The following ARHGAP17 variants were observed in gnomAD, a reference collection of about 807,000 sequenced individuals.
The protein encoded by ARHGAP17 is Rho GTPase activating protein 17.
A neutral mutation model predicts 99.5 loss-of-function variants in ARHGAP17; 57 were observed. That is an observed-to-expected ratio of 0.57 (90% CI 0.46 to 0.71). The LOEUF (loss-of-function observed/expected upper bound fraction) is 0.71, where lower values mean the gene tolerates loss of function less well. ARHGAP17 is among the 30% of genes least tolerant of loss of function. ARHGAP17 has a pLI of 0.00. For missense variants in ARHGAP17, 1,000 were observed against 1,122.4 expected, an observed-to-expected ratio of 0.89 and a Z score of 1.56; for synonymous variants, 417 against 429.6, an observed-to-expected ratio of 0.97 and a Z score of 0.36.
chr16:24,922,279 G>A (rs1404778956), intron 19 of ARHGAP17, among the ~76,000 whole-genome samples: 1 of 152,206 alleles, frequency 6.6e-6, no homozygotes, highest in Non-Finnish European at 1.5e-5. Context: ...ATGATGCAAA[G>A]GCACTGTGTA....
At chr16:24,938,372 A>C (rs1422995455) in intron 17 of ARHGAP17, among the ~76,000 whole-genome samples, 4 of 151,784 alleles carry the variant, frequency 2.6e-5, no homozygotes, top group South Asian at 4.2e-4. Flanking sequence ...AAAAAAAAAA[A>C]CCTCAAGTTC....
At chr16:24,934,846 G>T (rs754158826) in intron 18 of ARHGAP17, among the ~76,000 whole-genome samples, 1 of 152,142 alleles carries the variant, frequency 6.6e-6, no homozygotes, top group African/African-American at 2.4e-5. Flanking sequence ...CCTAAGGAGG[G>T]GATGAACTTA....
chr16:24,963,603 T>C (rs1480528565), intron 7 of ARHGAP17, among the ~76,000 whole-genome samples: 1 of 151,924 alleles, frequency 6.6e-6, no homozygotes, highest in Non-Finnish European at 1.5e-5. Flanking sequence ...ACATTCAGAA[T>C]GAACATCTAT....
intron 1 of ARHGAP17, 121 bp from the exon 2 acceptor site, chr16:24,979,126 G>T: frequency 1.5e-6 from 1 of 689,510 alleles, no homozygotes; most frequent in Non-Finnish European, 2.4e-6. Context: ...TAGAAGGGTT[G>T]GCAGGGGCAG....
Position 24,965,346 on chromosome 16 carries a change from T to A in ARHGAP17, c.462-1038A>T, listed in dbSNP as rs187049591. Among the ~76,000 whole-genome samples the A allele has an allele frequency of 2.0e-5, 3 of 152,288 alleles. No homozygotes were observed. In the East Asian group the frequency reaches 5.8e-4, roughly 29 times the overall value. On this transcript the variant is annotated intron_variant, in intron 6 of 19. Coordinates refer to ENST00000289968, the MANE Select transcript of ARHGAP17 (RefSeq NM_001006634.3). Reference sequence around the variant, plus strand: ...TTAGCTGGGCGTGGTGGCAGGCGCCTGTAGTCCCAGCAACTTGGGAGGCTG... The same window carrying A: ...TTAGCTGGGCGTGGTGGCAGGCGCCAGTAGTCCCAGCAACTTGGGAGGCTG...
chr16:24,975,285 G>C (rs2052481498), intron 3 of ARHGAP17, among the ~76,000 whole-genome samples: 1 of 152,216 alleles, frequency 6.6e-6, no homozygotes, highest in Admixed American at 6.5e-5. Context: ...TCTAAGAGAG[G>C]AAGTTTTTTG....
At chr16:24,958,219 G>A (rs2051868566) in intron 9 of ARHGAP17, among the ~76,000 whole-genome samples, 1 of 146,404 alleles carries the variant, frequency 6.8e-6, no homozygotes, top group Admixed American at 6.8e-5. Context: ...GGGCAACAGA[G>A]TGAGACTTTG....
At chr16:24,937,100 G>C (rs531191267) in intron 17 of ARHGAP17, among the ~76,000 whole-genome samples, 62 of 147,730 alleles carry the variant, frequency 4.2e-4, no homozygotes, top group African/African-American at 1.3e-3. Context: ...GTGGGTGACA[G>C]AGCAAGACCC....
intron 1 of ARHGAP17, among the ~76,000 whole-genome samples, chr16:24,989,773 C>T (rs1033725778): frequency 1.3e-5 from 2 of 152,018 alleles, no homozygotes; most frequent in Non-Finnish European, 2.9e-5. Flanking sequence ...AAGATATATA[C>T]CACATGTTCT....
Position 24,947,494 on chromosome 16 carries a change from G to T in ARHGAP17, c.1229C>A (p.Ala410Asp). Residue 410 changes from alanine to aspartate, a missense_variant, in exon 14 of 20, where the codon GCC becomes GAC. By Grantham distance (126) the Ala-to-Asp change is moderately radical. This residue lies in a region of ARHGAP17 where 472 missense variants were observed against 611.1 expected (regional missense o/e 0.77). Coordinates refer to ENST00000289968, the MANE Select transcript of ARHGAP17 (RefSeq NM_001006634.3). ...AAAGATGACTTACCCTTCATTTCTGGCCCATAACAAGTTAGGGCCTAACAC... is the reference window on the plus strand; with the variant it reads ...AAAGATGACTTACCCTTCATTTCTGTCCCATAACAAGTTAGGGCCTAACAC... ...AIVLGPNLLW[A>D]RNEGTLAEMA... 1 of 1,613,050 alleles carries T rather than the reference G, an allele frequency of 6.2e-7. No individual in the cohort carries two copies. The highest frequency in any genetic ancestry group is 8.5e-7 in the Non-Finnish European group (1 of 1,179,596).
At chr16:24,938,347 G>A (rs1567214948) in intron 17 of ARHGAP17, among the ~76,000 whole-genome samples, 2 of 151,958 alleles carry the variant, frequency 1.3e-5, no homozygotes, top group South Asian at 4.2e-4. Flanking sequence ...CTAGGCGACA[G>A]AGTGGGACTG....
intron 16 of ARHGAP17, chr16:24,941,591 C>T (rs2051313968): frequency 5.7e-6 from 1 of 174,998 alleles, no homozygotes; most frequent in South Asian, 1.2e-4. Flanking sequence ...CCAAATCACT[C>T]AACTCACTGT....
chr16:24,921,679 A>T (rs918970784), intron 19 of ARHGAP17, among the ~76,000 whole-genome samples: 14 of 151,902 alleles, frequency 9.2e-5, no homozygotes, highest in African/African-American at 3.1e-4. Flanking sequence ...TCTCACAGTT[A>T]CTCCTGGGTT....
At chr16:24,953,754 C>G (rs996622110) in intron 10 of ARHGAP17, among the ~76,000 whole-genome samples, 23 of 152,148 alleles carry the variant, frequency 1.5e-4, no homozygotes, top group African/African-American at 5.3e-4. Flanking sequence ...GCCTCTACTA[C>G]TAGATGACAG....
intron 3 of ARHGAP17, among the ~76,000 whole-genome samples, chr16:24,971,383 GT>G (rs2052357896): frequency 6.8e-6 from 1 of 148,078 alleles, no homozygotes; most frequent in Non-Finnish European, 1.5e-5. Context: ...AGGCTAGAGT[GT>G]AGTGGGGCAA....
chr16:24,929,050 G>A (rs758563460), intron 19 of ARHGAP17, among the ~76,000 whole-genome samples: 1 of 152,076 alleles, frequency 6.6e-6, no homozygotes, highest in Admixed American at 6.6e-5. Context: ...ACTGCACCTG[G>A]GTCCTCTTTG....
At chr16:24,971,678 T>C (rs980637484) in intron 3 of ARHGAP17, among the ~76,000 whole-genome samples, 5 of 152,244 alleles carry the variant, frequency 3.3e-5, no homozygotes, top group African/African-American at 1.2e-4. Flanking sequence ...TTTATTTAAA[T>C]ACCTAAAAAC....
intron 1 of ARHGAP17, among the ~76,000 whole-genome samples, chr16:24,985,431 G>A (rs764296626): frequency 1.3e-5 from 2 of 152,238 alleles, no homozygotes; most frequent in Non-Finnish European, 2.9e-5. Context: ...CTGCTTCCTC[G>A]CCCTTTCCAG....
chr16:24,962,881 T>A (rs2052052481), intron 7 of ARHGAP17, among the ~76,000 whole-genome samples: 1 of 152,218 alleles, frequency 6.6e-6, no homozygotes, highest in Non-Finnish European at 1.5e-5. Flanking sequence ...GTTATTTGAG[T>A]AGCAGATCAA....
Sources: allele counts gnomAD v4.1 joint callset (sites outside exome capture counted in the v4.1 genomes callset), GRCh38; gene constraint gnomAD v4.1.1; regional missense constraint gnomAD v4.1.1; transcripts MANE v1.5; gene names NCBI Gene and HGNC (gene_info 2026-07-23, HGNC 2026-07-21).